The following IFT140 variants were observed in gnomAD, a reference collection of about 807,000 sequenced individuals.
The protein encoded by IFT140 is intraflagellar transport 140.
A neutral mutation model predicts 164.6 loss-of-function variants in IFT140; 133 were observed. That is an observed-to-expected ratio of 0.81 (90% CI 0.70 to 0.93). The LOEUF (loss-of-function observed/expected upper bound fraction) is 0.93. IFT140 is among the 40% of genes least tolerant of loss of function. The probability of loss-of-function intolerance (pLI) is 0.00; values close to 1 mark genes in which losing one functional copy is unlikely to be tolerated. For synonymous variants in IFT140, 860 were observed against 817.3 expected (o/e 1.05, Z -0.89); for missense variants, 2,045 against 1,972.3 (o/e 1.04, Z -0.70).
intron 7 of IFT140, 50 bp downstream of exon 7, chr16:1,589,550 GAGAGA>G: frequency 6.3e-7 from 1 of 1,577,818 alleles, no homozygotes; most frequent in Non-Finnish European, 8.7e-7. Context: ...AACGAGGCCA[GAGAGA>G]ACCTGGCCCA....
In IFT140 at chr16:1,557,678, T is replaced by C. The variant is rs183539940; in HGVS notation, c.2399+257A>G. ...CAGAGGGATGGGTATTATAGATGTT[T>C]AGGAACGGCAGAACTTTCCACTAGG... On this transcript the variant is annotated intron_variant, in intron 19 of 30. Transcript: ENST00000426508. The C allele has an allele frequency of 6.0e-4, 301 of 504,660 alleles. 1 individual carries two copies. Among genetic ancestry groups the C allele is most frequent in the African/African-American group, 5.2e-3 (273 of 52,244 alleles). 31.3% of individuals were successfully genotyped at this position (504,660 alleles called of 1,614,324 possible).
intron 3 of IFT140, 101 bp downstream of exon 3, chr16:1,607,019 T>C (rs992838442): frequency 5.1e-6 from 6 of 1,166,634 alleles, no homozygotes; most frequent in South Asian, 2.8e-5. Context: ...CACACACCCA[T>C]AGGCACACAC....
At chr16:1,576,723 G>C (rs975490754) in intron 13 of IFT140, 1 of 152,034 alleles carries the variant, frequency 6.6e-6, no homozygotes, top group African/African-American at 2.4e-5. Flanking sequence ...AATATAGGTA[G>C]ATACTAGTCT....
chr16:1,555,076 C>A, intron 19 of IFT140: 1 of 1,561,194 alleles, frequency 6.4e-7, no homozygotes, highest in Non-Finnish European at 8.6e-7. Flanking sequence ...CGTGGAACAG[C>A]CTAGAAACCA....
chr16:1,512,698 G>A (rs2040209052), intron 30 of IFT140, among the ~76,000 whole-genome samples: 1 of 152,164 alleles, frequency 6.6e-6, no homozygotes, highest in Admixed American at 6.5e-5. Context: ...AGCCACTCAC[G>A]AGGATCCCTT....
intron 19 of IFT140, among the ~76,000 whole-genome samples, chr16:1,548,902 G>A (rs2032401608): frequency 6.6e-6 from 1 of 152,206 alleles, no homozygotes; most frequent in Non-Finnish European, 1.5e-5. Context: ...GCTTTTTACT[G>A]CTGACAGGTG....
At chr16:1,595,146 G>A (rs1265701706) in intron 4 of IFT140, among the ~76,000 whole-genome samples, 2 of 152,112 alleles carry the variant, frequency 1.3e-5, no homozygotes, top group Admixed American at 6.6e-5. Flanking sequence ...TTAGCCGGGC[G>A]TGGCGGCGGG....
chr16:1,588,683 T>C (rs2035024666), intron 7 of IFT140, among the ~76,000 whole-genome samples: 1 of 151,982 alleles, frequency 6.6e-6, no homozygotes, highest in African/African-American at 2.4e-5. Flanking sequence ...ATCCCTGTTT[T>C]GTAGAGAACA....
chr16:1,548,781 C>T (rs2032388793), intron 19 of IFT140, among the ~76,000 whole-genome samples: 1 of 152,214 alleles, frequency 6.6e-6, no homozygotes, highest in Non-Finnish European at 1.5e-5. Context: ...CAGCGCAGTG[C>T]GATCATGCAG....
chr16:1,515,191 G>C (rs1049054371), intron 30 of IFT140, among the ~76,000 whole-genome samples: 2 of 151,950 alleles, frequency 1.3e-5, no homozygotes, highest in Non-Finnish European at 2.9e-5. Flanking sequence ...GATCCCAAAA[G>C]CCCAGGATAA....
intron 4 of IFT140, among the ~76,000 whole-genome samples, chr16:1,596,681 C>G (rs1453378092): frequency 2.6e-5 from 4 of 152,186 alleles, no homozygotes; most frequent in Non-Finnish European, 5.9e-5. Context: ...TCAAATATTC[C>G]TGATCCTCAG....
At chr16:1,596,662 C>T (rs188295792) in intron 4 of IFT140, among the ~76,000 whole-genome samples, 68 of 152,292 alleles carry the variant, frequency 4.5e-4, no homozygotes, top group African/African-American at 1.5e-3. Context: ...AATCACAGGA[C>T]GCAATGAGTC....
At chr16:1,552,140 G>A (rs182674857) in intron 19 of IFT140, among the ~76,000 whole-genome samples, 5 of 152,280 alleles carry the variant, frequency 3.3e-5, no homozygotes, top group Admixed American at 3.3e-4. Context: ...TTTTAAACAC[G>A]TTTCTGTAAC....
chr16:1,585,985 A>C (rs565125221), intron 10 of IFT140, 145 bp downstream of exon 10: 2 of 907,612 alleles, frequency 2.2e-6, no homozygotes, highest in African/African-American at 1.6e-5. Flanking sequence ...GTTAGCCAGG[A>C]TGGTCTCGAT....
At chr16:1,536,254 G>A (rs2294624) in intron 19 of IFT140, among the ~76,000 whole-genome samples, 22,692 of 152,212 alleles carry the variant, frequency 0.15, 1,883 homozygotes, top group Admixed American at 0.23. Context: ...CGTTCCTCCA[G>A]TCACAGGGCC....
At position 1,589,792 on chromosome 16, in the gene IFT140, C is replaced by T. The variant is rs12447357; in HGVS notation, c.635-12G>A. 4 of 1,606,502 alleles carry T rather than the reference C, an allele frequency of 2.5e-6. No homozygotes were observed. Among genetic ancestry groups the T allele is most frequent in the Admixed American group, 1.7e-5 (1 of 59,854 alleles). On this transcript the variant is annotated splice_polypyrimidine_tract_variant and intron_variant, in intron 6 of 30. Transcript: ENST00000426508. ...ATAGTGCACTGTCCCTGGGGACAAA[C>T]GTGGGGTCACTACATGAGGAGGCCC...
intron 30 of IFT140, among the ~76,000 whole-genome samples, chr16:1,514,079 T>C (rs2141112659): frequency 6.6e-6 from 1 of 151,744 alleles, no homozygotes; most frequent in East Asian, 2.0e-4. Context: ...AGAATCAAGA[T>C]TTTTGTTGGC....
rs765039853 is a variant in IFT140, at chr16:1,520,814, A to G, written c.3454-6T>C. 9.4e-6 allele frequency: 15 copies of G among 1,600,144 alleles called. No individual in the cohort carries two copies. The African/African-American group carries it at 1.7e-4, about 18-fold the overall frequency. On this transcript the variant is annotated splice_polypyrimidine_tract_variant and splice_region_variant and intron_variant, in intron 26 of 30. Coordinates refer to ENST00000426508, the MANE Select transcript of IFT140 (RefSeq NM_014714.4). ...AGCTGCAGGGCTTCCTGATACTGCA[A>G]AGGTGCAGAAATGGGACGGGGCTGC...
chr16:1,573,359 G>A (rs1278609421), intron 13 of IFT140, among the ~76,000 whole-genome samples: 2 of 151,802 alleles, frequency 1.3e-5, no homozygotes, highest in East Asian at 1.9e-4. Context: ...GCTGGGTCCC[G>A]GGTTCAGATC....
Sources: allele counts gnomAD v4.1 joint callset (sites outside exome capture counted in the v4.1 genomes callset), GRCh38; gene constraint gnomAD v4.1.1; transcripts MANE v1.5; gene names NCBI Gene and HGNC (gene_info 2026-07-23, HGNC 2026-07-21).